The following DLC1 variants were observed in gnomAD, a reference collection of about 807,000 sequenced individuals.
DLC1 encodes the protein DLC1 Rho GTPase activating protein, also known as rho GTPase-activating protein 7.
Under a neutral mutation model 140.3 loss-of-function variants are expected in DLC1, and 54 were observed. The observed-to-expected ratio is 0.38, with a 90% CI of 0.31 to 0.48. DLC1 has a LOEUF of 0.48. Among genes scored for constraint, DLC1 ranks in the 20% least tolerant of loss-of-function variants. The probability of loss-of-function intolerance (pLI) is 0.96; values close to 1 mark genes in which losing one functional copy is unlikely to be tolerated. For missense variants in DLC1, 2,536 were observed against 1,907.0 expected (o/e 1.33, Z -6.14); for synonymous variants, 986 against 728.1 (o/e 1.35, Z -5.70).
chr8:13,566,680 A>T (rs1017464004), intron 1 of DLC1, among the ~76,000 whole-genome samples: 3 of 152,212 alleles, frequency 2.0e-5, no homozygotes, highest in African/African-American at 7.2e-5. Flanking sequence ...TTTCCCGTTG[A>T]CTACTCGACT....
intron 3 of DLC1, among the ~76,000 whole-genome samples, chr8:13,395,049 C>CTATA (rs1836967938): frequency 6.7e-6 from 1 of 149,690 alleles, no homozygotes; most frequent in Admixed American, 6.7e-5. Flanking sequence ...ATCTATCTAT[C>CTATA]TATTAGGTAC....
In DLC1 at chr8:13,347,355, C is replaced by T. The variant is rs1030753003; in HGVS notation, c.1315-42053G>A. On this transcript the variant is annotated intron_variant, in intron 4 of 17. Transcript: ENST00000276297. The stretch of plus-strand genomic sequence containing the variant: ...GTTTTATCTACATTTCTGAGGGCCA[C>T]CTGACACAGAGAGCCCTAAACATAT... Among the ~76,000 whole-genome samples, 14 of 152,138 alleles carry T rather than the reference C, an allele frequency of 9.2e-5. 1 individual carries two copies. Among genetic ancestry groups the T allele is most frequent in the Admixed American group, 7.9e-4 (12 of 15,272 alleles).
At chr8:13,090,996 T>G (rs1329444206) in intron 14 of DLC1, among the ~76,000 whole-genome samples, 1 of 151,704 alleles carries the variant, frequency 6.6e-6, no homozygotes, top group African/African-American at 2.4e-5. Context: ...TTTGTAGAGA[T>G]GAGGTCTCAC....
At chr8:13,311,287 C>T (rs548713394) in intron 4 of DLC1, among the ~76,000 whole-genome samples, 3 of 152,180 alleles carry the variant, frequency 2.0e-5, no homozygotes, top group South Asian at 4.2e-4. Context: ...GCTTTATAAC[C>T]CTGTGTACTA....
chr8:13,105,114 G>A (rs1819451505), intron 7 of DLC1, among the ~76,000 whole-genome samples: 2 of 152,158 alleles, frequency 1.3e-5, no homozygotes. Flanking sequence ...AGAGGCCTAT[G>A]GGGCTGGAGA....
rs189587209 is a variant in DLC1, at chr8:13,334,486, G to A, written c.1315-29184C>T. ...GCAGAAAGATCACTGTGCACATGGG[G>A]TAGACTGCGCAGGCAGGGGAGAAGG... On this transcript the variant is annotated intron_variant, in intron 4 of 17. Transcript: ENST00000276297. Among the ~76,000 whole-genome samples the A allele has an allele frequency of 3.4e-3, 518 of 152,280 alleles. 6 individuals carry two copies. The highest frequency in any genetic ancestry group is 0.032 in the South Asian group (152 of 4,820).
At position 13,499,727 on chromosome 8, in the gene DLC1, G is replaced by T. The variant is rs1017587776; in HGVS notation, c.345C>A (p.Asn115Lys). The T allele has an allele frequency of 2.5e-6, 4 of 1,614,136 alleles. 1 individual carries two copies. In the South Asian group the frequency reaches 3.3e-5, roughly 13 times the overall value. ...ETLVHVSDED[N>K]NADLCLTDDK... ...CATCTGTAAGGCATAAATCAGCATT[G>T]TTATCCTCATCAGAAACATGCACTA... Residue 115 changes from asparagine (N) to lysine (K), a missense_variant, in exon 2 of 18, where the codon AAC (asparagine) becomes AAA (lysine). Coordinates refer to ENST00000276297, the MANE Select transcript of DLC1 (RefSeq NM_182643.3).
At chr8:13,125,691 A>C (rs1821496305) in intron 5 of DLC1, among the ~76,000 whole-genome samples, 1 of 152,126 alleles carries the variant, frequency 6.6e-6, no homozygotes, top group Non-Finnish European at 1.5e-5. Flanking sequence ...TTTCAGTCCT[A>C]GTAAGGAATG....
intron 1 of DLC1, among the ~76,000 whole-genome samples, chr8:13,532,198 A>C (rs939395829): frequency 5.3e-5 from 8 of 152,178 alleles, no homozygotes. Context: ...TGAGCCCAGG[A>C]CGTTGAGGTT....
chr8:13,528,602 A>T (rs1180284608), intron 1 of DLC1, among the ~76,000 whole-genome samples: 1 of 152,158 alleles, frequency 6.6e-6, no homozygotes, highest in African/African-American at 2.4e-5. Context: ...TTGTGGGCCA[A>T]AGTAGAGTGT....
intron 1 of DLC1, among the ~76,000 whole-genome samples, chr8:13,523,555 T>C (rs1240139475): frequency 6.6e-6 from 1 of 152,196 alleles, no homozygotes; most frequent in African/African-American, 2.4e-5. Context: ...ATCTCAAACG[T>C]ATTTGCAATT....
At position 13,221,027 on chromosome 8, in the gene DLC1, G is replaced by C. The variant is rs140586267; in HGVS notation, c.1348+84242C>G. ...ATTTAATGGTGTAGGCTTCTGCCAA[G>C]GGGGTACTAGAGGTTACTCCAGTGC... On this transcript the variant is annotated intron_variant, in intron 5 of 17. Transcript: ENST00000276297. Among the ~76,000 whole-genome samples, 826 of 152,274 alleles carry C rather than the reference G, an allele frequency of 5.4e-3. 12 individuals are homozygous for C. Among genetic ancestry groups the C allele is most frequent in the African/African-American group, 0.019 (779 of 41,558 alleles).
intron 5 of DLC1, among the ~76,000 whole-genome samples, chr8:13,193,717 C>T (rs1023682735): frequency 1.3e-5 from 2 of 152,134 alleles, no homozygotes; most frequent in African/African-American, 4.8e-5. Flanking sequence ...AAGGATGATT[C>T]AACCTCTTTG....
At chr8:13,284,387 C>A (rs927569298) in intron 5 of DLC1, among the ~76,000 whole-genome samples, 5 of 151,870 alleles carry the variant, frequency 3.3e-5, no homozygotes, top group African/African-American at 1.2e-4. Flanking sequence ...ATTAGCTGGG[C>A]GTGGTGGCGG....
In DLC1 at chr8:13,499,233, T is replaced by C; in HGVS notation, c.839A>G (p.Gln280Arg). 6.2e-7 allele frequency: 1 copy of C among 1,614,214 alleles called. No individual in the cohort carries two copies. ...LKTDFGSCLLQPPSCPNGMSA... is the reference protein window; with the variant it reads ...LKTDFGSCLLRPPSCPNGMSA... ...CATTCCATTGGGGCAGGAAGGAGGC[T>C]GCAGAAGGCAGCTTCCAAAATCTGT... Residue 280 changes from glutamine (Q) to arginine (R), a missense_variant, in exon 2 of 18, where the codon CAG becomes CGG. Coordinates refer to ENST00000276297, the MANE Select transcript of DLC1 (RefSeq NM_182643.3).
chr8:13,156,446 A>G (rs1824263984), intron 5 of DLC1, among the ~76,000 whole-genome samples: 2 of 152,262 alleles, frequency 1.3e-5, no homozygotes, highest in South Asian at 2.1e-4. Flanking sequence ...TATGCTTTAC[A>G]TTGTTCTGTT....
chr8:13,413,667 T>C (rs917305736), intron 2 of DLC1, among the ~76,000 whole-genome samples: 6 of 152,076 alleles, frequency 3.9e-5, no homozygotes, highest in African/African-American at 1.4e-4. Flanking sequence ...CTCATGATAG[T>C]GCTTGACTTC....
intron 2 of DLC1, among the ~76,000 whole-genome samples, chr8:13,404,906 C>T (rs1042445023): frequency 6.6e-6 from 1 of 151,964 alleles, no homozygotes; most frequent in Admixed American, 6.6e-5. Context: ...CTTGGGAGTC[C>T]TGAGGCAAGA....
intron 5 of DLC1, among the ~76,000 whole-genome samples, chr8:13,225,708 TG>T (rs765548276): frequency 1.3e-5 from 2 of 151,462 alleles, no homozygotes; most frequent in Non-Finnish European, 2.9e-5. Flanking sequence ...CTCCGCCTCC[TG>T]GGTTCACACC....
Sources: allele counts gnomAD v4.1 joint callset (sites outside exome capture counted in the v4.1 genomes callset), GRCh38; gene constraint gnomAD v4.1.1; transcripts MANE v1.5; gene names NCBI Gene and HGNC (gene_info 2026-07-23, HGNC 2026-07-21).